The following CD226 variants were observed in gnomAD, a reference collection of about 807,000 sequenced individuals.
The protein encoded by CD226 is CD226 molecule, also known as CD226 antigen.
In CD226, 24 loss-of-function variants were observed where a neutral mutation model predicts 34.9. The observed-to-expected ratio is 0.69, with a 90% CI of 0.50 to 0.97. CD226 has a LOEUF of 0.97. CD226 is among the 50% of genes least tolerant of loss of function. CD226 has a pLI of 0.00. For synonymous variants in CD226, 148 were observed against 147.4 expected (o/e 1.00, Z -0.03); for missense variants, 397 against 412.7 (o/e 0.96, Z 0.33).
chr18:69,931,175 T>A (rs1055300804), intron 2 of CD226, among the ~76,000 whole-genome samples: 1 of 151,892 alleles, frequency 6.6e-6, no homozygotes. Context: ...AGGTGGGAAT[T>A]GAACAATGAG....
upstream of CD226, among the ~76,000 whole-genome samples, chr18:69,948,522 A>G (rs1387951386): frequency 6.6e-6 from 1 of 152,198 alleles, no homozygotes; most frequent in African/African-American, 2.4e-5. Flanking sequence ...AGTGTCGACT[A>G]CTCAGCATGA....
upstream of CD226, among the ~76,000 whole-genome samples, chr18:69,959,105 G>GA (rs1860165777): frequency 6.6e-6 from 1 of 152,040 alleles, no homozygotes; most frequent in Non-Finnish European, 1.5e-5. Flanking sequence ...CCCCCAACAT[G>GA]GTAACTACAG....
chr18:69,929,299 G>A (rs957961077), intron 2 of CD226, among the ~76,000 whole-genome samples: 12 of 151,002 alleles, frequency 7.9e-5, no homozygotes, highest in Non-Finnish European at 1.3e-4. Context: ...TGGATCGTGA[G>A]GACACCCTGG....
At chr18:69,951,538 G>A (rs192926788), upstream of CD226, among the ~76,000 whole-genome samples, 346 of 151,348 alleles carry the variant, frequency 2.3e-3, 1 homozygote, top group African/African-American at 8.2e-3. Flanking sequence ...CAGAATGAAT[G>A]TGGGGCTCAG....
chr18:69,896,192 T>TTTTTTTC (rs1430234256), intron 2 of CD226, 147 bp from the exon 3 acceptor site: 2 of 1,419,952 alleles, frequency 1.4e-6, no homozygotes, highest in Admixed American at 2.9e-5. Flanking sequence ...TTTTTTTTTT[T>TTTTTTTC]TTTTCCTGAG....
upstream of CD226, among the ~76,000 whole-genome samples, chr18:69,958,728 C>T (rs1038628812): frequency 4.0e-5 from 6 of 151,434 alleles, no homozygotes; most frequent in Non-Finnish European, 7.4e-5. Flanking sequence ...TTGATACAGG[C>T]TGGGGGGTTT....
At chr18:69,900,950 T>C (rs1216008431) in intron 2 of CD226, among the ~76,000 whole-genome samples, 1 of 152,148 alleles carries the variant, frequency 6.6e-6, no homozygotes, top group East Asian at 1.9e-4. Context: ...TAGGCAACAA[T>C]CCTCAGTGTC....
At chr18:69,946,675 G>T in intron 2 of CD226, 59 bp downstream of exon 2, 1 of 1,148,426 alleles carries the variant, frequency 8.7e-7, no homozygotes, top group Non-Finnish European at 1.2e-6. Flanking sequence ...GGGCTTTATA[G>T]AAATAAATGT....
upstream of CD226, among the ~76,000 whole-genome samples, chr18:69,950,998 TGTG>T (rs1395735098): frequency 2.7e-5 from 4 of 150,688 alleles, no homozygotes; most frequent in East Asian, 5.8e-4. Context: ...TGTGTGTGTG[TGTG>T]TGTGTGTGTG....
chr18:69,915,766 T>C (rs573471245), intron 2 of CD226, among the ~76,000 whole-genome samples: 4 of 152,334 alleles, frequency 2.6e-5, no homozygotes, highest in African/African-American at 9.6e-5. Flanking sequence ...TTTAAAGTTA[T>C]CATTTTACAC....
chr18:69,933,018 C>T (rs1358200156), intron 2 of CD226, among the ~76,000 whole-genome samples: 2 of 152,182 alleles, frequency 1.3e-5, no homozygotes, highest in African/African-American at 4.8e-5. Flanking sequence ...AGCAGGGGAG[C>T]TTTCCTGGTG....
Position 69,895,869 on chromosome 18 carries a change from A to G in CD226, c.559T>C (p.Phe187Leu), listed in dbSNP as rs1478491069. The G allele has an allele frequency of 6.2e-7, 1 of 1,614,132 alleles. No homozygotes were observed. Among genetic ancestry groups the G allele is most frequent in the Non-Finnish European group, 8.5e-7 (1 of 1,180,026 alleles). ...TYCNLVHGRN[F>L]TSKFPRQIVS... is the part of the protein sequence containing the mutation. ...ATTTGTCTTGGGAACTTGGAGGTGAAATTTCTGCCATGGACCAAGTTGCAG... is the reference window on the plus strand; with the variant it reads ...ATTTGTCTTGGGAACTTGGAGGTGAGATTTCTGCCATGGACCAAGTTGCAG... Residue 187 changes from phenylalanine to leucine, a missense_variant, in exon 3 of 6, where the codon TTC (phenylalanine) becomes CTC (leucine). By Grantham distance (22) the Phe-to-Leu change is conservative (BLOSUM62 0). Coordinates refer to ENST00000582621, the MANE Select transcript of CD226 (RefSeq NM_001303618.2).
At chr18:69,867,284 C>T (rs1983205857) in intron 5 of CD226, 73 bp downstream of exon 5, 3 of 946,098 alleles carry the variant, frequency 3.2e-6, no homozygotes, top group Non-Finnish European at 3.4e-6. Context: ...TATAAGATTG[C>T]TAACTGCAAA....
intron 3 of CD226, among the ~76,000 whole-genome samples, chr18:69,879,318 A>G (rs1209399568): frequency 1.3e-5 from 2 of 152,168 alleles, no homozygotes; most frequent in Non-Finnish European, 2.9e-5. Context: ...GGCATGTTTC[A>G]TCCCTTATCT....
intron 3 of CD226, among the ~76,000 whole-genome samples, chr18:69,876,627 A>T (rs1264111986): frequency 1.3e-5 from 2 of 152,274 alleles, no homozygotes; most frequent in African/African-American, 4.8e-5. Flanking sequence ...CTCTGCTCTC[A>T]CACTACCACA....
intron 3 of CD226, among the ~76,000 whole-genome samples, chr18:69,882,233 A>G (rs1002961505): frequency 6.6e-6 from 1 of 152,230 alleles, no homozygotes; most frequent in Non-Finnish European, 1.5e-5. Flanking sequence ...ATGGCAAATT[A>G]TAGCAAAATT....
intron 2 of CD226, among the ~76,000 whole-genome samples, chr18:69,907,045 T>C (rs900753088): frequency 4.6e-5 from 7 of 152,120 alleles, no homozygotes; most frequent in African/African-American, 1.7e-4. Context: ...CTGACCCTGG[T>C]AGAGTTTGCT....
At chr18:69,868,785 G>A (rs776975899) in intron 4 of CD226, among the ~76,000 whole-genome samples, 3 of 144,072 alleles carry the variant, frequency 2.1e-5, no homozygotes, top group Non-Finnish European at 3.0e-5. Flanking sequence ...ATGCACATGC[G>A]CACACGTGCG....
chr18:69,861,525 C>T lies in CD226; in HGVS notation c.*2789G>A, dbSNP rs545255000. On this transcript the variant is annotated 3_prime_UTR_variant, in exon 6 of 6. Coordinates refer to ENST00000582621, the MANE Select transcript of CD226 (RefSeq NM_001303618.2). The stretch of plus-strand genomic sequence containing the variant: ...CATAGATTCTTAATGTATTATCCAT[C>T]GATATAAATTATATGTGTATATATA... The T allele has an allele frequency of 1.3e-5, 1 of 78,042 alleles. No individual in the cohort carries two copies. Among genetic ancestry groups the T allele is most frequent in the Non-Finnish European group, 2.8e-5 (1 of 35,344 alleles). 4.8% of individuals were successfully genotyped at this position (78,042 alleles called of 1,614,324 possible).
Sources: gnomAD v4.1 joint callset for allele counts (sites outside exome capture counted in the v4.1 genomes callset) on GRCh38, gnomAD v4.1.1 for gene constraint, MANE v1.5 for transcripts, NCBI Gene and HGNC (gene_info 2026-07-23, HGNC 2026-07-21) for gene names.